The following PACRG variants were observed in gnomAD, a reference collection of about 807,000 sequenced individuals.
The protein encoded by PACRG is parkin coregulated.
Under a neutral mutation model 29.7 loss-of-function variants are expected in PACRG, and 29 were observed. The ratio of observed to expected loss-of-function variants is 0.98; its 90% CI spans 0.73 to 1.33. PACRG has a LOEUF of 1.33. PACRG is among the 40% of genes most tolerant of loss of function. PACRG has a pLI of 0.00. For missense variants in PACRG, 279 were observed against 316.2 expected (o/e 0.88, Z 0.89); for synonymous variants, 116 against 118.7 (o/e 0.98, Z 0.15).
At chr6:162,835,932 T>C (rs1202665144) in intron 2 of PACRG, among the ~76,000 whole-genome samples, 1 of 152,142 alleles carries the variant, frequency 6.6e-6, no homozygotes, top group Non-Finnish European at 1.5e-5. Flanking sequence ...AGGAAAAAAG[T>C]GGTTAAAAAT....
intron 4 of PACRG, among the ~76,000 whole-genome samples, chr6:163,271,394 C>T (rs774357464): frequency 2.8e-5 from 3 of 108,794 alleles, no homozygotes; most frequent in African/African-American, 7.4e-5. Context: ...TATTAACCAT[C>T]ACAGGTTTGA....
chr6:162,784,975 C>T (rs1584344906), intron 1 of PACRG, among the ~76,000 whole-genome samples: 1 of 152,124 alleles, frequency 6.6e-6, no homozygotes, highest in East Asian at 1.9e-4. Context: ...ACTCAAATAG[C>T]ATTAGTAACA....
At chr6:163,045,691 C>A (rs140988979) in intron 2 of PACRG, among the ~76,000 whole-genome samples, 2,669 of 143,674 alleles carry the variant, frequency 0.019, 78 homozygotes, top group Admixed American at 0.093. Context: ...GGCATGATCT[C>A]TGGTCACTGC....
chr6:163,049,156 T>C (rs188493559), intron 2 of PACRG, among the ~76,000 whole-genome samples: 6 of 152,146 alleles, frequency 3.9e-5, no homozygotes, highest in Admixed American at 3.9e-4. Flanking sequence ...ATCAAAATGA[T>C]ACTGTTCACA....
chr6:163,295,168 C>T (rs544505292), intron 4 of PACRG, among the ~76,000 whole-genome samples: 91 of 152,244 alleles, frequency 6.0e-4, no homozygotes, highest in African/African-American at 2.1e-3. Flanking sequence ...ATATTGGCAA[C>T]GTTATCTGGT....
At chr6:162,733,453 A>G (rs923015747) in intron 1 of PACRG, among the ~76,000 whole-genome samples, 1 of 151,998 alleles carries the variant, frequency 6.6e-6, no homozygotes, top group Non-Finnish European at 1.5e-5. Context: ...ATATTCTCCT[A>G]CTTTCTTATT....
At chr6:163,201,955 G>A (rs558022343) in intron 4 of PACRG, among the ~76,000 whole-genome samples, 19 of 152,326 alleles carry the variant, frequency 1.2e-4, no homozygotes, top group Admixed American at 1.2e-3. Context: ...AGGAGTGAGC[G>A]GGCCTCCCTG....
At chr6:162,929,670 C>T (rs1231613823) in intron 2 of PACRG, among the ~76,000 whole-genome samples, 2 of 151,796 alleles carry the variant, frequency 1.3e-5, no homozygotes, top group South Asian at 2.1e-4. Flanking sequence ...TGTCCTGGAG[C>T]ATTTTCCCCA....
chr6:162,792,240 G>A (rs1182894810), intron 1 of PACRG, among the ~76,000 whole-genome samples: 1 of 152,118 alleles, frequency 6.6e-6, no homozygotes, highest in Non-Finnish European at 1.5e-5. Flanking sequence ...GGAGTTCAGG[G>A]TGAGTGCAAG....
chr6:162,981,305 A>ATATATATATATATATATTTT (rs925663285), intron 2 of PACRG, among the ~76,000 whole-genome samples: 1 of 149,132 alleles, frequency 6.7e-6, no homozygotes, highest in Non-Finnish European at 1.5e-5. Context: ...ATATATATAT[A>ATATATATATATATATATTTT]TTTACAATGG....
chr6:162,925,457 T>A (rs8180541), intron 2 of PACRG, among the ~76,000 whole-genome samples: 79,755 of 151,984 alleles, frequency 0.52, 21,841 homozygotes, highest in Middle Eastern at 0.69. Context: ...ATCAGAAAGC[T>A]TATCTACCAC....
intron 4 of PACRG, among the ~76,000 whole-genome samples, chr6:163,095,940 C>G (rs1375329150): frequency 1.3e-5 from 2 of 152,160 alleles, no homozygotes; most frequent in African/African-American, 4.8e-5. Context: ...AAAATCTCAT[C>G]TTTGATAAAT....
chr6:162,740,161 G>A (rs1780467137), intron 1 of PACRG, among the ~76,000 whole-genome samples: 1 of 152,068 alleles, frequency 6.6e-6, no homozygotes, highest in African/African-American at 2.4e-5. Context: ...TTAGCGAGAT[G>A]AGTTCCCCCA....
intron 4 of PACRG, among the ~76,000 whole-genome samples, chr6:163,175,744 A>AAGCAGG (rs1554379160): frequency 2.2e-5 from 3 of 136,922 alleles, no homozygotes; most frequent in Non-Finnish European, 4.7e-5. Context: ...GCACCTGTCA[A>AAGCAGG]AGGAGGAGGA....
chr6:162,847,885 T>A (rs1790539090), intron 2 of PACRG, among the ~76,000 whole-genome samples: 1 of 152,000 alleles, frequency 6.6e-6, no homozygotes, highest in African/African-American at 2.4e-5. Flanking sequence ...CAAAGGCTAG[T>A]GAGAAGCCCT....
At chr6:162,937,251 T>C (rs1296177240) in intron 2 of PACRG, among the ~76,000 whole-genome samples, 2 of 152,198 alleles carry the variant, frequency 1.3e-5, no homozygotes, top group East Asian at 1.9e-4. Flanking sequence ...AAAATAAAAT[T>C]GGTAAAATTA....
chr6:162,978,641 A>T (rs1480402883), intron 2 of PACRG, among the ~76,000 whole-genome samples: 1 of 152,228 alleles, frequency 6.6e-6, no homozygotes, highest in Non-Finnish European at 1.5e-5. Flanking sequence ...TATTTTATTC[A>T]GCATTTTATT....
chr6:162,956,912 G>A (rs540334425), intron 2 of PACRG, among the ~76,000 whole-genome samples: 1 of 152,070 alleles, frequency 6.6e-6, no homozygotes, highest in African/African-American at 2.4e-5. Flanking sequence ...TTTCTGGGGT[G>A]TTCAAGTTGG....
Position 162,728,392 on chromosome 6 carries a change from G to C in PACRG, c.156+1G>C. On this transcript the variant is annotated splice_donor_variant, in intron 1 of 4. Transcript: ENST00000366888. LOFTEE classifies it high-confidence loss of function. ...CAAAGCCATGATGAAAAACTCAGTC[G>C]TAAGTGATCTTCCTGAATTAAATGC... The C allele has an allele frequency of 2.5e-6, 4 of 1,610,860 alleles. No homozygotes were observed. The South Asian group carries it at 4.4e-5, about 18-fold the overall frequency.
Sources: allele counts gnomAD v4.1 joint callset (sites outside exome capture counted in the v4.1 genomes callset), GRCh38; gene constraint gnomAD v4.1.1; transcripts MANE v1.5; gene names NCBI Gene and HGNC (gene_info 2026-07-23, HGNC 2026-07-21).